Variants in GREM1 observed in about 807,000 individuals in gnomAD.
GREM1 encodes the protein gremlin 1, DAN family BMP antagonist.
A neutral mutation model predicts 13.1 loss-of-function variants in GREM1; 6 were observed. The ratio of observed to expected loss-of-function variants is 0.46; its 90% CI spans 0.25 to 0.91. The LOEUF is 0.91. Among genes scored for constraint, GREM1 ranks in the 40% least tolerant of loss-of-function variants. The pLI is 0.18. For synonymous variants in GREM1, 98 were observed against 93.7 expected, an observed-to-expected ratio of 1.05 and a Z score of -0.27; for missense variants, 185 against 233.9, an observed-to-expected ratio of 0.79 and a Z score of 1.36.
At position 32,730,905 on chromosome 15, in the gene GREM1, A is replaced by G; in HGVS notation, c.215A>G (p.Glu72Gly). 1 of 1,613,624 alleles carries G rather than the reference A, an allele frequency of 6.2e-7. No individual in the cohort carries two copies. The highest frequency in any genetic ancestry group is 8.5e-7 in the Non-Finnish European group (1 of 1,179,830). The change falls in exon 2 of 2, where the codon GAG becomes GGG. Residue 72 changes from glutamate (E) to glycine (G), a missense_variant. Coordinates refer to ENST00000651154, the MANE Select transcript of GREM1 (RefSeq NM_013372.7). ...CGGGGCACTGCCATGCCCGGGGAGG[A>G]GGTGCTGGAGTCCAGCCAAGAGGCC... is the stretch of plus-strand genomic sequence containing the variant. The part of the protein sequence containing the change: ...QGRGTAMPGE[E>G]VLESSQEALH...
rs539309014 is a variant in GREM1 at position 32,733,010 on chromosome 15, T to C, written c.*1765T>C. ...TTGCAACTCGAGAAGCTGTTTTTAT[T>C]TCGTTTTTGTTTTGATCCAGTGCTC... On this transcript the variant is annotated 3_prime_UTR_variant, in exon 2 of 2. Coordinates refer to ENST00000651154, the MANE Select transcript of GREM1 (RefSeq NM_013372.7). 4.0e-5 allele frequency: 9 copies of C among 226,900 alleles called. No homozygotes were observed. In the South Asian group the frequency reaches 1.7e-3, roughly 43 times the overall value. The allele number at this position is 226,900 out of a possible 1,614,324, so 14.1% of individuals were successfully genotyped here.
chr15:32,732,901 A>C lies in GREM1; in HGVS notation c.*1656A>C, dbSNP rs1244695267. 4.5e-6 allele frequency: 1 copy of C among 220,284 alleles called. No individual in the cohort carries two copies. The highest frequency in any genetic ancestry group is 2.3e-5 in the African/African-American group (1 of 43,776). 13.6% of individuals were successfully genotyped at this position (220,284 alleles called of 1,614,324 possible). The stretch of plus-strand genomic sequence containing the variant: ...TTGCCTTGTATCTTCTCAGCCTCCT[A>C]GCCAAGTCCTATGTAATATGGAAAA... On this transcript the variant is annotated 3_prime_UTR_variant, in exon 2 of 2. Transcript: ENST00000651154.
rs759541309 is a variant in GREM1 at position 32,730,837 on chromosome 15, G to A, written c.147G>A (p.Ser49=). ...ACAATGACTCAGAGCAGACTCAGTCGCCCCAGCAGCCTGGCTCCAGGAACC... is the reference window on the plus strand; with the variant it reads ...ACAATGACTCAGAGCAGACTCAGTCACCCCAGCAGCCTGGCTCCAGGAACC... ...AQHNDSEQTQ[S]PQQPGSRNRG... is the part of the protein sequence containing the mutation. Residue 49 remains serine (S), a synonymous_variant, in exon 2 of 2, where the codon TCG becomes TCA. Transcript: ENST00000651154. 31 of 1,613,626 alleles carry A rather than the reference G, an allele frequency of 1.9e-5. No individual in the cohort carries two copies. The African/African-American group carries it at 2.8e-4, about 15-fold the overall frequency.
rs190858362 is a variant in GREM1, at chr15:32,742,909, C to G, written c.*11664C>G. The G allele has an allele frequency of 3.5e-4, 53 of 152,320 alleles. No individual in the cohort carries two copies. The highest frequency in any genetic ancestry group is 1.3e-3 in the African/African-American group (52 of 41,578). 9.4% of individuals were successfully genotyped at this position (152,320 alleles called of 1,614,324 possible). A position where few individuals can be genotyped will look rare whatever the true frequency, so the allele number is the denominator to read the frequency against. ...AAATGTAAGACTTGAAACAGTAAAA[C>G]TCCTAGAAGTAAACAGAAGAGAAAG... is the stretch of plus-strand genomic sequence containing the variant. On this transcript the variant is annotated 3_prime_UTR_variant, in exon 2 of 2. Coordinates refer to ENST00000651154, the MANE Select transcript of GREM1 (RefSeq NM_013372.7).
intron 1 of GREM1, 119 bp downstream of exon 1, chr15:32,718,280 G>T: frequency 5.2e-6 from 4 of 765,656 alleles, no homozygotes; most frequent in Non-Finnish European, 8.1e-6. Flanking sequence ...GCTCGGGTGC[G>T]TTGTTCGCGG....
rs2055748034 is a variant in GREM1 at position 32,740,069 on chromosome 15, C to T, written c.*8824C>T. The T allele has an allele frequency of 6.6e-6, 1 of 152,238 alleles. No homozygotes were observed. Among genetic ancestry groups the T allele is most frequent in the Admixed American group, 6.5e-5 (1 of 15,278 alleles). The allele number at this position is 152,238 out of a possible 1,614,324, so 9.4% of individuals were successfully genotyped here. ...AAAAATCATGGCTACCTACATTTCC[C>T]TGGAGAAGGAATGATTTGTTAAAGG... is the stretch of plus-strand genomic sequence containing the variant. On this transcript the variant is annotated 3_prime_UTR_variant, in exon 2 of 2. Coordinates refer to ENST00000651154, the MANE Select transcript of GREM1 (RefSeq NM_013372.7).
chr15:32,738,586 C>T lies in GREM1; in HGVS notation c.*7341C>T, dbSNP rs995830064. 3.9e-5 allele frequency: 6 copies of T among 152,218 alleles called. No homozygotes were observed. In the East Asian group the frequency reaches 1.2e-3, roughly 29 times the overall value. 9.4% of individuals were successfully genotyped at this position (152,218 alleles called of 1,614,324 possible). ...AAATTGACAAGTTAATCCTAAAATT[C>T]ATAAGAAATTGAAAGGGATCCACAA... On this transcript the variant is annotated 3_prime_UTR_variant, in exon 2 of 2. Transcript: ENST00000651154.
intron 1 of GREM1, among the ~76,000 whole-genome samples, chr15:32,720,698 A>G (rs2055391389): frequency 6.6e-6 from 1 of 152,280 alleles, no homozygotes; most frequent in African/African-American, 2.4e-5. Flanking sequence ...TTTTATTCAC[A>G]TGTGAACATG....
chr15:32,743,590 G>A lies in GREM1; in HGVS notation c.*12345G>A, dbSNP rs116301485. ...TTCTGGGTCAGAATCTCTGGTGAGT[G>A]TGTAGGCAAGGTGTCAGTAGGGGGC... is the stretch of plus-strand genomic sequence containing the variant. On this transcript the variant is annotated 3_prime_UTR_variant, in exon 2 of 2. Coordinates refer to ENST00000651154, the MANE Select transcript of GREM1 (RefSeq NM_013372.7). 1,315 of 152,460 alleles carry A rather than the reference G, an allele frequency of 8.6e-3. 21 individuals carry two copies. The highest frequency in any genetic ancestry group is 0.03 in the African/African-American group (1,249 of 41,574). The allele number at this position is 152,460 out of a possible 1,614,324, so 9.4% of individuals were successfully genotyped here. A position where few individuals can be genotyped will look rare whatever the true frequency, so the allele number is the denominator to read the frequency against.
chr15:32,718,362 G>T, intron 1 of GREM1: 1 of 505,816 alleles, frequency 2.0e-6, no homozygotes, highest in Non-Finnish European at 3.9e-6. Context: ...CGCTGCTCTG[G>T]GTCTGCAGGG....
rs371256550 is a variant in GREM1 at position 32,744,572 on chromosome 15, C to CAAAAA, written c.*13341_*13345dup. On this transcript the variant is annotated 3_prime_UTR_variant, in exon 2 of 2. Coordinates refer to ENST00000651154, the MANE Select transcript of GREM1 (RefSeq NM_013372.7). Reference sequence around the variant, plus strand: ...TGGGCGACAGAGTGAGACTCAGCTTCAAAAAAAAAAAAAAAAAAGAAAGTT... The same window carrying CAAAAA: ...TGGGCGACAGAGTGAGACTCAGCTTCAAAAAAAAAAAAAAAAAAAAAAAGAAAGTT... 4 of 86,186 alleles carry CAAAAA rather than the reference C, an allele frequency of 4.6e-5. No individual in the cohort carries two copies. The highest frequency in any genetic ancestry group is 1.8e-4 in the African/African-American group (4 of 22,006). 5.3% of individuals were successfully genotyped at this position (86,186 alleles called of 1,614,324 possible).
chr15:32,722,945 C>T (rs963134637), intron 1 of GREM1, among the ~76,000 whole-genome samples: 9 of 152,130 alleles, frequency 5.9e-5, no homozygotes, highest in African/African-American at 1.7e-4. Context: ...AAAGAATCAA[C>T]GGAGATGTCA....
intron 1 of GREM1, among the ~76,000 whole-genome samples, chr15:32,719,720 G>A (rs1380002219): frequency 2.0e-5 from 3 of 152,164 alleles, no homozygotes; most frequent in African/African-American, 7.2e-5. Context: ...GTTTTAAGCT[G>A]TCCCAGGGAC....
intron 1 of GREM1, among the ~76,000 whole-genome samples, chr15:32,721,107 G>T (rs2055398439): frequency 6.6e-6 from 1 of 152,080 alleles, no homozygotes; most frequent in Non-Finnish European, 1.5e-5. Context: ...GGTGAGCCCA[G>T]ATAGCGCCAT....
At position 32,736,810 on chromosome 15, in the gene GREM1, C is replaced by T. The variant is rs1295824493; in HGVS notation, c.*5565C>T. ...GGCCCTGCCTGCATGTGGGAATCCT[C>T]ATCCAAGTCATACTTTCTAAACATC... On this transcript the variant is annotated 3_prime_UTR_variant, in exon 2 of 2. Coordinates refer to ENST00000651154, the MANE Select transcript of GREM1 (RefSeq NM_013372.7). 6.6e-6 allele frequency: 1 copy of T among 152,208 alleles called. No homozygotes were observed. Among genetic ancestry groups the T allele is most frequent in the Non-Finnish European group, 1.5e-5 (1 of 68,040 alleles). The allele number at this position is 152,208 out of a possible 1,614,324, so 9.4% of individuals were successfully genotyped here. A position where few individuals can be genotyped will look rare whatever the true frequency, so the allele number is the denominator to read the frequency against.
At position 32,742,727 on chromosome 15, in the gene GREM1, TAC is replaced by T. The variant is rs2140771732; in HGVS notation, c.*11484_*11485del. 6.6e-6 allele frequency: 1 copy of T among 152,310 alleles called. No individual in the cohort carries two copies. Among genetic ancestry groups the T allele is most frequent in the South Asian group, 2.1e-4 (1 of 4,830 alleles). 9.4% of individuals were successfully genotyped at this position (152,310 alleles called of 1,614,324 possible). On this transcript the variant is annotated 3_prime_UTR_variant, in exon 2 of 2. Coordinates refer to ENST00000651154, the MANE Select transcript of GREM1 (RefSeq NM_013372.7). ...GAGCTCAGCAACAAATCCGTGAATA[TAC>T]AGTCAACTGACATTTGGCAATGGTG...
Position 32,735,228 on chromosome 15 carries a change from A to G in GREM1, c.*3983A>G, listed in dbSNP as rs1215252168. 3 of 152,218 alleles carry G rather than the reference A, an allele frequency of 2.0e-5. No homozygotes were observed. The highest frequency in any genetic ancestry group is 4.8e-5 in the African/African-American group (2 of 41,440). 9.4% of individuals were successfully genotyped at this position (152,218 alleles called of 1,614,324 possible). A position where few individuals can be genotyped will look rare whatever the true frequency, so the allele number is the denominator to read the frequency against. The stretch of plus-strand genomic sequence containing the variant: ...TTCTGAGGTCCCTTTCTACTTAGAT[A>G]TATAATACAAGATTTCTATTAGGTA... On this transcript the variant is annotated 3_prime_UTR_variant, in exon 2 of 2. Transcript: ENST00000651154.
chr15:32,735,225 GAT>G lies in GREM1; in HGVS notation c.*3986_*3987del, dbSNP rs1247397605. 6.6e-6 allele frequency: 1 copy of G among 152,114 alleles called. No homozygotes were observed. Among genetic ancestry groups the G allele is most frequent in the African/African-American group, 2.4e-5 (1 of 41,410 alleles). 9.4% of individuals were successfully genotyped at this position (152,114 alleles called of 1,614,324 possible). ...AATTTCTGAGGTCCCTTTCTACTTA[GAT>G]ATATAATACAAGATTTCTATTAGGT... On this transcript the variant is annotated 3_prime_UTR_variant, in exon 2 of 2. Transcript: ENST00000651154.
chr15:32,724,284 C>T (rs2055459414), intron 1 of GREM1, among the ~76,000 whole-genome samples: 1 of 152,212 alleles, frequency 6.6e-6, no homozygotes, highest in Admixed American at 6.5e-5. Context: ...AGTGAACATA[C>T]ATTCCCAGTT....
Sources: allele counts gnomAD v4.1 joint callset (sites outside exome capture counted in the v4.1 genomes callset), GRCh38; gene constraint gnomAD v4.1.1; transcripts MANE v1.5; gene names NCBI Gene and HGNC (gene_info 2026-07-23, HGNC 2026-07-21).